Variants in LYZL1 observed in about 807,000 individuals in gnomAD.
LYZL1 encodes the protein lysozyme like 1, also known as lysozyme-like protein 1.
A neutral mutation model predicts 17.9 loss-of-function variants in LYZL1; 16 were observed. The observed-to-expected ratio is 0.90, with a 90% CI of 0.61 to 1.36. The LOEUF (loss-of-function observed/expected upper bound fraction) is 1.36. Ranked by LOEUF, LYZL1 falls within the 40% of genes most tolerant of loss-of-function variation. The pLI, the probability that LYZL1 is intolerant of heterozygous loss-of-function variation, is 0.00. For synonymous variants in LYZL1, 58 were observed against 71.8 expected, an observed-to-expected ratio of 0.81 and a Z score of 0.97; for missense variants, 149 against 188.4, an observed-to-expected ratio of 0.79 and a Z score of 1.22.
At chr10:29,312,211 G>A (rs1835681793), downstream of LYZL1, among the ~76,000 whole-genome samples, 2 of 152,248 alleles carry the variant, frequency 1.3e-5, no homozygotes, top group African/African-American at 2.4e-5. Context: ...GGTCCAAACA[G>A]ATAAAATTGT....
At chr10:29,310,242 G>A (rs1835653134) in intron 4 of LYZL1, 54 bp downstream of exon 4, 2 of 1,336,676 alleles carry the variant, frequency 1.5e-6, no homozygotes, top group Admixed American at 1.7e-5. Flanking sequence ...CCTAGTGTGT[G>A]TATTTATCAC....
At chr10:29,310,746 A>T (rs1009452134) in intron 4 of LYZL1, among the ~76,000 whole-genome samples, 4 of 152,188 alleles carry the variant, frequency 2.6e-5, no homozygotes, top group Admixed American at 6.5e-5. Context: ...TGTGGGTGTG[A>T]CATGGAATGA....
chr10:29,290,485 GC>G (rs1386851383), intron 1 of LYZL1, among the ~76,000 whole-genome samples: 1 of 152,094 alleles, frequency 6.6e-6, no homozygotes. Context: ...CTTTTAGGAG[GC>G]CCCCCGGAGC....
intron 3 of LYZL1, among the ~76,000 whole-genome samples, chr10:29,306,152 T>C (rs1308623453): frequency 1.3e-5 from 2 of 152,266 alleles, no homozygotes; most frequent in South Asian, 4.1e-4. Context: ...CAGTGCTGTC[T>C]AATAGAAGTT....
chr10:29,306,067 A>G (rs897857279), intron 3 of LYZL1, among the ~76,000 whole-genome samples: 1 of 152,248 alleles, frequency 6.6e-6, no homozygotes, highest in Non-Finnish European at 1.5e-5. Flanking sequence ...ACTTAAGAGC[A>G]TTGGTGATCC....
Position 29,289,094 on chromosome 10 carries a change from T to C in LYZL1, c.-162T>C. Reference sequence around the variant, plus strand: ...TAGGAAAGGATTACTCGCGCCTCGTTAGAATCAGACATGGCTTCAGGGGAT... The same window carrying C: ...TAGGAAAGGATTACTCGCGCCTCGTCAGAATCAGACATGGCTTCAGGGGAT... On this transcript the variant is annotated 5_prime_UTR_variant, in exon 1 of 5. Coordinates refer to ENST00000649382, the MANE Select transcript of LYZL1 (RefSeq NM_032517.6). 6.4e-7 allele frequency: 1 copy of C among 1,554,132 alleles called. No individual in the cohort carries two copies. Among genetic ancestry groups the C allele is most frequent in the Non-Finnish European group, 8.7e-7 (1 of 1,147,312 alleles).
downstream of LYZL1, chr10:29,311,304 C>T (rs985699862): frequency 8.7e-6 from 11 of 1,271,046 alleles, no homozygotes; most frequent in African/African-American, 1.5e-4. Context: ...ATGCTCTAGC[C>T]TTGGAAAAAA....
chr10:29,306,422 C>T (rs10826607), intron 3 of LYZL1, among the ~76,000 whole-genome samples: 2 of 143,322 alleles, frequency 1.4e-5, no homozygotes, highest in Admixed American at 6.9e-5. Context: ...TAGTGGCGGG[C>T]GCCTGTAGTC....
intron 4 of LYZL1, chr10:29,318,114 AGAAACCACCT>A (rs1835751729): frequency 1.0e-6 from 1 of 981,732 alleles, no homozygotes; most frequent in Non-Finnish European, 1.2e-6. Context: ...AGTGGCTGAA[AGAAACCACCT>A]GAAACTGAGG....
At chr10:29,298,555 T>C (rs764685501) in intron 3 of LYZL1, among the ~76,000 whole-genome samples, 7 of 152,060 alleles carry the variant, frequency 4.6e-5, no homozygotes, top group Non-Finnish European at 1.0e-4. Context: ...AAAGATGACA[T>C]ATTCAGCTCA....
intron 3 of LYZL1, among the ~76,000 whole-genome samples, chr10:29,297,555 G>A (rs540110162): frequency 3.3e-5 from 5 of 152,220 alleles, no homozygotes; most frequent in East Asian, 3.9e-4. Context: ...ATGAAATCTT[G>A]CACCATTCTG....
chr10:29,309,419 G>C (rs117590255), intron 3 of LYZL1, among the ~76,000 whole-genome samples: 3 of 152,082 alleles, frequency 2.0e-5, no homozygotes, highest in African/African-American at 7.2e-5. Flanking sequence ...ATAGACAAAG[G>C]TTTAATATTT....
At chr10:29,297,376 T>C (rs1205330413) in intron 3 of LYZL1, among the ~76,000 whole-genome samples, 1 of 152,236 alleles carries the variant, frequency 6.6e-6, no homozygotes, top group Non-Finnish European at 1.5e-5. Flanking sequence ...GTGATTTCAA[T>C]TTGTAAGGTT....
At chr10:29,304,390 T>A (rs1369048544) in intron 3 of LYZL1, among the ~76,000 whole-genome samples, 1 of 152,138 alleles carries the variant, frequency 6.6e-6, no homozygotes, top group Non-Finnish European at 1.5e-5. Flanking sequence ...GGTATCTGAA[T>A]TGGCCTTTGT....
chr10:29,295,842 G>A (rs1207477562), intron 3 of LYZL1, among the ~76,000 whole-genome samples: 1 of 152,194 alleles, frequency 6.6e-6, no homozygotes, highest in Non-Finnish European at 1.5e-5. Flanking sequence ...AGGGGTGTGA[G>A]TGGTCCCTAG....
At chr10:29,312,293 C>G (rs59422347), downstream of LYZL1, among the ~76,000 whole-genome samples, 3 of 152,072 alleles carry the variant, frequency 2.0e-5, no homozygotes, top group East Asian at 3.9e-4. Flanking sequence ...TTGTCAAACC[C>G]ATGGCCTATG....
chr10:29,292,566 A>G lies in LYZL1; in HGVS notation c.187A>G (p.Thr63Ala). The G allele has an allele frequency of 6.2e-7, 1 of 1,614,234 alleles. No homozygotes were observed. The highest frequency in any genetic ancestry group is 8.5e-7 in the Non-Finnish European group (1 of 1,180,042). The part of the protein sequence containing the change: ...YESGYNTTAQ[T>A]VLDDGSIDYG... The stretch of plus-strand genomic sequence containing the variant: ...GAGCGGCTACAACACCACAGCCCAG[A>G]CGGTCCTGGATGACGGCAGCATCGA... Residue 63 changes from threonine to alanine, a missense_variant, in exon 3 of 5, where the codon ACG becomes GCG. Physicochemically the swap from Thr to Ala is moderately conservative, Grantham distance 58. Around this residue, in one of 2 missense-constraint regions of LYZL1, gnomAD observed 130 missense variants for 132.5 expected, o/e 0.98. Coordinates refer to ENST00000649382, the MANE Select transcript of LYZL1 (RefSeq NM_032517.6).
downstream of LYZL1, among the ~76,000 whole-genome samples, chr10:29,313,806 G>T (rs1243156191): frequency 2.6e-5 from 4 of 152,162 alleles, no homozygotes; most frequent in African/African-American, 9.7e-5. Flanking sequence ...TAAGACACTT[G>T]GAAGTAGATT....
chr10:29,300,023 T>A lies in LYZL1; in HGVS notation c.298+7346T>A, dbSNP rs537605817. ...CCACGACAGAGTGTGAACGCAGCCA[T>A]AGAAAGTATGTAAATGAATGGGACT... On this transcript the variant is annotated intron_variant, in intron 3 of 4. Coordinates refer to ENST00000649382, the MANE Select transcript of LYZL1 (RefSeq NM_032517.6). Among the ~76,000 whole-genome samples, 5 of 152,318 alleles carry A rather than the reference T, an allele frequency of 3.3e-5. No individual in the cohort carries two copies. The East Asian group carries it at 9.6e-4, about 29-fold the overall frequency.
Sources: allele counts gnomAD v4.1 joint callset (sites outside exome capture counted in the v4.1 genomes callset), GRCh38; gene constraint gnomAD v4.1.1; regional missense constraint gnomAD v4.1.1; transcripts MANE v1.5; gene names NCBI Gene and HGNC (gene_info 2026-07-23, HGNC 2026-07-21).